Variants in DPP6 observed in about 807,000 individuals in gnomAD.
The protein encoded by DPP6 is dipeptidyl peptidase like 6.
DPP6 carries 69 observed loss-of-function variants against 122.6 expected under a neutral mutation model. That is an observed-to-expected ratio of 0.56 (90% CI 0.46 to 0.69). The LOEUF (loss-of-function observed/expected upper bound fraction) is 0.69, where lower values mean the gene tolerates loss of function less well. Ranked by LOEUF, DPP6 falls within the 30% of genes least tolerant of loss-of-function variation. DPP6 has a pLI of 0.00. For synonymous variants in DPP6, 418 were observed against 433.1 expected (o/e 0.97, Z 0.43); for missense variants, 928 against 1,116.9 (o/e 0.83, Z 2.41).
At chr7:154,111,466 A>G (rs1806568669) in intron 1 of DPP6, among the ~76,000 whole-genome samples, 1 of 152,206 alleles carries the variant, frequency 6.6e-6, no homozygotes, top group African/African-American at 2.4e-5. Context: ...GTCAATCAAC[A>G]TTATCAGTCC....
chr7:153,842,462 T>A, the DPP6 span, among the ~76,000 whole-genome samples: 1 of 152,076 alleles, frequency 6.6e-6, no homozygotes, highest in South Asian at 2.1e-4. Context: ...ATACAGGGTT[T>A]TTTTTATTTT....
chr7:154,564,214 G>C (rs1281114763), intron 4 of DPP6, among the ~76,000 whole-genome samples: 2 of 152,134 alleles, frequency 1.3e-5, no homozygotes, highest in Non-Finnish European at 2.9e-5. Context: ...GTGGTTGAGT[G>C]GTGGGGGTGA....
chr7:154,171,825 A>G (rs1043196774), intron 1 of DPP6, among the ~76,000 whole-genome samples: 1 of 152,220 alleles, frequency 6.6e-6, no homozygotes, highest in African/African-American at 2.4e-5. Context: ...TATGATATAT[A>G]TAACCACCAT....
chr7:154,739,178 C>T (rs1842706662), intron 8 of DPP6, among the ~76,000 whole-genome samples: 3 of 152,148 alleles, frequency 2.0e-5, no homozygotes, highest in Admixed American at 6.5e-5. Context: ...CATATGGTCC[C>T]ACCAGGGTTC....
chr7:154,717,152 G>A (rs1586946920), intron 7 of DPP6, among the ~76,000 whole-genome samples: 1 of 151,844 alleles, frequency 6.6e-6, no homozygotes, highest in Non-Finnish European at 1.5e-5. Context: ...TTCAATACAT[G>A]TATACAATGT....
At chr7:154,693,483 G>A (rs1586902273) in intron 7 of DPP6, among the ~76,000 whole-genome samples, 1 of 152,156 alleles carries the variant, frequency 6.6e-6, no homozygotes, top group Non-Finnish European at 1.5e-5. Flanking sequence ...CACAGCAGAA[G>A]GTTGGCTGCA....
At chr7:154,472,117 A>G (rs1822327564) in intron 2 of DPP6, among the ~76,000 whole-genome samples, 1 of 152,222 alleles carries the variant, frequency 6.6e-6, no homozygotes, top group Non-Finnish European at 1.5e-5. Flanking sequence ...TGCAGGAGCC[A>G]TATTGTATGA....
At chr7:154,304,669 C>T (rs766493084) in intron 1 of DPP6, among the ~76,000 whole-genome samples, 29 of 151,832 alleles carry the variant, frequency 1.9e-4, no homozygotes, top group Non-Finnish European at 2.9e-4. Context: ...TTGATTCTAA[C>T]GATGGAACAT....
chr7:153,859,022 A>G, the DPP6 span, among the ~76,000 whole-genome samples: 2 of 152,172 alleles, frequency 1.3e-5, no homozygotes, highest in Non-Finnish European at 2.9e-5. Context: ...GCACTTCCCT[A>G]TTAGGCTGGG....
chr7:154,291,609 C>T (rs899603009), intron 1 of DPP6, among the ~76,000 whole-genome samples: 1 of 152,198 alleles, frequency 6.6e-6, no homozygotes, highest in African/African-American at 2.4e-5. Flanking sequence ...TCAGTCTGCC[C>T]TGCTAGCCAC....
intron 25 of DPP6, chr7:154,890,878 C>A (rs912592493): frequency 6.6e-6 from 1 of 152,178 alleles, no homozygotes; most frequent in Non-Finnish European, 1.5e-5. Context: ...AGATGAATTT[C>A]ACCCTCCAAA....
At chr7:154,130,038 G>A (rs961694328) in intron 1 of DPP6, among the ~76,000 whole-genome samples, 2 of 151,722 alleles carry the variant, frequency 1.3e-5, no homozygotes, top group South Asian at 2.1e-4. Flanking sequence ...GCAGTGAGCC[G>A]AGATCGCGCC....
At chr7:153,927,019 T>A (rs1416741637) in intron 1 of DPP6, among the ~76,000 whole-genome samples, 2 of 151,514 alleles carry the variant, frequency 1.3e-5, no homozygotes, top group South Asian at 2.1e-4. Flanking sequence ...TTTTTTTTTT[T>A]ACTGAAAGTA....
rs181247497 is a variant in DPP6, at chr7:153,955,063, C to T, written c.51+67329C>T. Among the ~76,000 whole-genome samples, 14 of 152,296 alleles carry T rather than the reference C, an allele frequency of 9.2e-5. No individual in the cohort carries two copies. In the East Asian group the frequency reaches 2.3e-3, roughly 25 times the overall value. ...CTCTGTTCGGCTAGCCAGCCTTCTT[C>T]AGTCTTCAGACTGCGAGAATGTAGC... On this transcript the variant is annotated intron_variant, in intron 1 of 25. Coordinates refer to the DPP6 transcript ENST00000404039.
chr7:153,875,359 A>G, the DPP6 span, among the ~76,000 whole-genome samples: 1 of 152,170 alleles, frequency 6.6e-6, no homozygotes, highest in Non-Finnish European at 1.5e-5. Context: ...TGACTGAGAG[A>G]ACTCTTCATG....
chr7:154,807,140 A>G (rs1353467272), intron 16 of DPP6, 28 bp downstream of exon 16: 2 of 1,608,414 alleles, frequency 1.2e-6, no homozygotes, highest in Non-Finnish European at 8.5e-7. Flanking sequence ...CGTCAGGGCA[A>G]AGAGCCCTGG....
intron 7 of DPP6, among the ~76,000 whole-genome samples, chr7:154,697,418 C>A (rs552939943): frequency 6.6e-6 from 1 of 152,236 alleles, no homozygotes; most frequent in Admixed American, 6.5e-5. Flanking sequence ...CCCTGCAGCA[C>A]CCTGTGCACT....
chr7:154,339,196 T>G (rs770504685), intron 1 of DPP6, among the ~76,000 whole-genome samples: 1 of 152,244 alleles, frequency 6.6e-6, no homozygotes, highest in Non-Finnish European at 1.5e-5. Context: ...TTTTCTTCTT[T>G]GGCACGCGTT....
chr7:153,861,144 T>C, the DPP6 span, among the ~76,000 whole-genome samples: 7 of 152,220 alleles, frequency 4.6e-5, no homozygotes, highest in Non-Finnish European at 1.0e-4. Context: ...GGTTAATTAA[T>C]TTTGCATATT....
Sources: allele counts gnomAD v4.1 joint callset (sites outside exome capture counted in the v4.1 genomes callset), GRCh38; gene constraint gnomAD v4.1.1; transcripts MANE v1.5; gene names NCBI Gene and HGNC (gene_info 2026-07-23, HGNC 2026-07-21).